Variants in TRIM29 observed in about 807,000 individuals in gnomAD.
The protein encoded by TRIM29 is tripartite motif-containing protein 29.
In TRIM29, 52 loss-of-function variants were observed where a neutral mutation model predicts 57.3. The observed-to-expected ratio is 0.91, with a 90% CI of 0.73 to 1.14. TRIM29 has a LOEUF of 1.14. Among genes scored for constraint, TRIM29 ranks in the 50% most tolerant of loss-of-function variants. The probability of loss-of-function intolerance (pLI) is 0.00; values close to 1 mark genes in which losing one functional copy is unlikely to be tolerated. For synonymous variants in TRIM29, 319 were observed against 316.9 expected (o/e 1.01, Z -0.07); for missense variants, 753 against 774.6 (o/e 0.97, Z 0.33).
At position 120,111,904 on chromosome 11, in the gene TRIM29, C is replaced by A; in HGVS notation, c.*510G>T. ...TTGATAGGTAGGACGAGAGAGAGCA[C>A]GTAGGGCCAGTCCTCTGGGAAGCAG... On this transcript the variant is annotated 3_prime_UTR_variant, in exon 9 of 9. Transcript: ENST00000341846. The A allele has an allele frequency of 6.0e-6, 1 of 167,956 alleles. No individual in the cohort carries two copies. Among genetic ancestry groups the A allele is most frequent in the Non-Finnish European group, 1.3e-5 (1 of 78,466 alleles). The allele number at this position is 167,956 out of a possible 1,614,324, so 10.4% of individuals were successfully genotyped here.
intron 3 of TRIM29, 45 bp from the exon 4 acceptor site, chr11:120,125,934 G>T (rs755477541): frequency 6.3e-7 from 1 of 1,582,938 alleles, no homozygotes; most frequent in Non-Finnish European, 8.6e-7. Context: ...GTCTTCATGA[G>T]CTATGAGGAC....
intron 1 of TRIM29, among the ~76,000 whole-genome samples, chr11:120,132,211 T>A (rs1726945123): frequency 6.6e-6 from 1 of 151,422 alleles, no homozygotes. Flanking sequence ...TCTCTTTCCT[T>A]TTGCCCCCGC....
In TRIM29 at chr11:120,137,634, G is replaced by A. The variant is rs1027431435; in HGVS notation, c.398C>T (p.Ser133Leu). The A allele has an allele frequency of 1.1e-5, 18 of 1,613,604 alleles. No individual in the cohort carries two copies. The highest frequency in any genetic ancestry group is 6.6e-5 in the South Asian group (6 of 91,042). The change falls in exon 1 of 9, where the codon TCG becomes TTG. Residue 133 changes from serine to leucine, a missense_variant. Physicochemically the swap from Ser to Leu is moderately radical, Grantham distance 145. Transcript: ENST00000341846. The surrounding 1 kb of genome is among the most constrained non-coding windows in gnomAD (Gnocchi z 6.2). ...GGACACCGTGGGCTTCCGGGACTCC[G>A]AGAAAATGGACTTGCGCAGCTCGCC... is the stretch of plus-strand genomic sequence containing the variant. ...EKGELRKSIF[S>L]ESRKPTVSIM...
chr11:120,120,638 G>C lies in TRIM29; in HGVS notation c.1463C>G (p.Ser488Trp), dbSNP rs776565917. The C allele has an allele frequency of 6.2e-7, 1 of 1,613,886 alleles. No individual in the cohort carries two copies. Among genetic ancestry groups the C allele is most frequent in the Non-Finnish European group, 8.5e-7 (1 of 1,179,980 alleles). The change falls in exon 6 of 9, where the codon TCG becomes TGG. Residue 488 changes from serine (S) to tryptophan (W), a missense_variant. Ser to Trp is a radical substitution (Grantham distance 177). Transcript: ENST00000341846. ...CTCCTTGGTGAAGCGGCCAGGAGACGAGGGCTGGTATGATGTCCGGACCCC... is the reference window on the plus strand; with the variant it reads ...CTCCTTGGTGAAGCGGCCAGGAGACCAGGGCTGGTATGATGTCCGGACCCC... ...KGGVRTSYQP[S>W]SPGRFTKETT...
chr11:120,131,781 T>C (rs1863728238), intron 1 of TRIM29, among the ~76,000 whole-genome samples: 1 of 151,026 alleles, frequency 6.6e-6, no homozygotes, highest in African/African-American at 2.4e-5. Context: ...ATTTTTCCTG[T>C]ATAGGAAGTA....
chr11:120,128,805 G>A (rs1221478118), intron 1 of TRIM29: 2 of 1,529,594 alleles, frequency 1.3e-6, no homozygotes, highest in Non-Finnish European at 1.7e-6. Flanking sequence ...GAGCAGGAGG[G>A]AAACTCATTT....
At chr11:120,117,527 A>C (rs1278764421) in intron 7 of TRIM29, 1 of 153,920 alleles carries the variant, frequency 6.5e-6, no homozygotes, top group Non-Finnish European at 1.4e-5. Context: ...TTGGGGTGCC[A>C]GAAGAGAGAC....
intron 1 of TRIM29, among the ~76,000 whole-genome samples, chr11:120,136,324 A>G (rs1029514738): frequency 6.6e-6 from 1 of 152,208 alleles, no homozygotes; most frequent in African/African-American, 2.4e-5. Flanking sequence ...GAGCACTTAC[A>G]TTAGCCGACA....
intron 7 of TRIM29, 160 bp from the exon 8 acceptor site, chr11:120,115,574 C>T (rs1040028398): frequency 3.3e-5 from 21 of 638,342 alleles, no homozygotes; most frequent in East Asian, 8.6e-5. Context: ...GCCAGGGTGC[C>T]GCAACCGAAA....
chr11:120,117,250 C>T (rs1405025380), intron 7 of TRIM29: 1 of 220,862 alleles, frequency 4.5e-6, no homozygotes. Context: ...CAAGGCAAGT[C>T]CTGGAGCTCC....
At position 120,122,131 on chromosome 11, in the gene TRIM29, AGTGT is replaced by A. The variant is rs72245071; in HGVS notation, c.1435+819_1435+822del. ...CCAAGCCTCTCCCATTGTGTGTGTG[AGTGT>A]GTGTGTGTGTGTGTGTGTGTGTGTG... On this transcript the variant is annotated intron_variant, in intron 5 of 8. Transcript: ENST00000341846. 1,310 of 203,534 alleles carry A rather than the reference AGTGT, an allele frequency of 6.4e-3. 12 individuals carry two copies. Among genetic ancestry groups the A allele is most frequent in the Middle Eastern group, 0.016 (26 of 1,650 alleles). 12.6% of individuals were successfully genotyped at this position (203,534 alleles called of 1,614,324 possible).
At chr11:120,121,834 T>A in intron 5 of TRIM29, 1 of 370,988 alleles carries the variant, frequency 2.7e-6, no homozygotes, top group Non-Finnish European at 5.5e-6. Flanking sequence ...CAGGGCCTGG[T>A]CCATGGATGG....
At chr11:120,121,088 G>A (rs759985045) in intron 5 of TRIM29, among the ~76,000 whole-genome samples, 4 of 152,114 alleles carry the variant, frequency 2.6e-5, no homozygotes, top group Non-Finnish European at 5.9e-5. Flanking sequence ...AGCCTTGTGA[G>A]GAAGCAGTGG....
At chr11:120,136,151 G>A (rs1863809857) in intron 1 of TRIM29, among the ~76,000 whole-genome samples, 1 of 152,084 alleles carries the variant, frequency 6.6e-6, no homozygotes, top group African/African-American at 2.4e-5. Context: ...AAACACCCAC[G>A]TGCACATAAA....
At chr11:120,125,921 T>A in intron 3 of TRIM29, 32 bp from the exon 4 acceptor site, 2 of 1,601,762 alleles carry the variant, frequency 1.2e-6, no homozygotes, top group South Asian at 2.2e-5. Flanking sequence ...ATTAACTGCC[T>A]GGGTCTTCAT....
intron 8 of TRIM29, among the ~76,000 whole-genome samples, chr11:120,112,683 T>A (rs115724831): frequency 5.4e-3 from 821 of 152,208 alleles, no homozygotes; most frequent in Non-Finnish European, 9.4e-3. Context: ...GGAATCCTAA[T>A]TGGAGTCCAT....
intron 4 of TRIM29, chr11:120,124,584 T>C (rs1186680553): frequency 6.6e-6 from 1 of 152,214 alleles, no homozygotes; most frequent in Non-Finnish European, 1.5e-5. Flanking sequence ...CTCAGTGAAA[T>C]GCCCGGCATC....
Position 120,127,449 on chromosome 11 carries a change from C to A in TRIM29, c.1021G>T (p.Asp341Tyr). 2 of 1,614,216 alleles carry A rather than the reference C, an allele frequency of 1.2e-6. No individual in the cohort carries two copies. Among genetic ancestry groups the A allele is most frequent in the African/African-American group, 2.7e-5 (2 of 75,066 alleles). Residue 341 changes from aspartate (D) to tyrosine (Y), a missense_variant, in exon 3 of 9, where the codon GAC (aspartate) becomes TAC (tyrosine). Transcript: ENST00000341846. ...GCATCCATGATCACCTTCACTTGGT[C>A]CACAGCATCCTGCTCCCGCTGCTCC... ...ALEQREQDAV[D>Y]QVKVIMDALD...
intron 5 of TRIM29, among the ~76,000 whole-genome samples, chr11:120,121,190 C>T (rs933962684): frequency 1.3e-5 from 2 of 152,162 alleles, no homozygotes; most frequent in Non-Finnish European, 2.9e-5. Flanking sequence ...CCCACCTGAC[C>T]CTCAGATGAC....
Sources: allele counts gnomAD v4.1 joint callset (sites outside exome capture counted in the v4.1 genomes callset), GRCh38; gene constraint gnomAD v4.1.1; non-coding constraint Gnocchi (gnomAD v3.1); transcripts MANE v1.5; gene names NCBI Gene and HGNC (gene_info 2026-07-23, HGNC 2026-07-21).